C19orf38: variants seen among roughly 807,000 people sequenced by gnomAD.
The protein encoded by C19orf38 is chromosome 19 open reading frame 38, also known as protein HIDE1.
In C19orf38, 14 loss-of-function variants were observed where a neutral mutation model predicts 26.6. The ratio of observed to expected loss-of-function variants is 0.53; its 90% CI spans 0.35 to 0.82. C19orf38 has a LOEUF of 0.82. Ranked by LOEUF, C19orf38 falls within the 40% of genes least tolerant of loss-of-function variation. The pLI is 0.01. For synonymous variants in C19orf38, 132 were observed against 128.5 expected (o/e 1.03, Z -0.18); for missense variants, 261 against 299.5 (o/e 0.87, Z 0.95).
chr19:10,863,354 G>C, intron 6 of C19orf38, 147 bp downstream of exon 6: 1 of 930,722 alleles, frequency 1.1e-6, no homozygotes, highest in Non-Finnish European at 1.6e-6. Flanking sequence ...CACTGAACAG[G>C]GACTCAGTAG....
intron 3 of C19orf38, among the ~76,000 whole-genome samples, chr19:10,857,735 G>T (rs2073644056): frequency 6.6e-6 from 1 of 151,520 alleles, no homozygotes; most frequent in Non-Finnish European, 1.5e-5. Flanking sequence ...ACAAAAATTA[G>T]CCGGGCGTGG....
chr19:10,863,290 G>T, intron 6 of C19orf38, 83 bp downstream of exon 6: 2 of 1,446,586 alleles, frequency 1.4e-6, no homozygotes, highest in Non-Finnish European at 9.5e-7. Flanking sequence ...GCACCACGAG[G>T]CTAAGTTGAC....
At chr19:10,858,936 GTT>G (rs33931525) in intron 4 of C19orf38, among the ~76,000 whole-genome samples, 29,705 of 135,594 alleles carry the variant, frequency 0.22, 3,184 homozygotes, top group Middle Eastern at 0.3. Flanking sequence ...ATATATATAT[GTT>G]TTTTTTTTTT....
At chr19:10,842,717 A>G (rs867039954) in intron 1 of C19orf38, among the ~76,000 whole-genome samples, 5 of 152,108 alleles carry the variant, frequency 3.3e-5, no homozygotes, top group Admixed American at 6.6e-5. Flanking sequence ...AACCTGTGCA[A>G]CAGAGAGAGA....
upstream of C19orf38, among the ~76,000 whole-genome samples, chr19:10,848,053 T>A (rs1489186487): frequency 1.3e-5 from 2 of 152,074 alleles, no homozygotes; most frequent in Non-Finnish European, 2.9e-5. Flanking sequence ...TAGCTGTGCA[T>A]GATGGCTCCT....
chr19:10,866,664 T>C (rs2073755381), intron 6 of C19orf38, among the ~76,000 whole-genome samples: 1 of 152,038 alleles, frequency 6.6e-6, no homozygotes, highest in Admixed American at 6.6e-5. Context: ...GTTTTTTTTT[T>C]TGGAGACGGA....
chr19:10,860,855 A>G (rs1401237624), intron 5 of C19orf38, among the ~76,000 whole-genome samples: 3 of 142,312 alleles, frequency 2.1e-5, no homozygotes, highest in African/African-American at 7.9e-5. Context: ...AAAAAAAAAA[A>G]AAGAAAGGGC....
chr19:10,855,008 C>T (rs1404925953), intron 2 of C19orf38, among the ~76,000 whole-genome samples: 1 of 151,210 alleles, frequency 6.6e-6, no homozygotes, highest in African/African-American at 2.4e-5. Flanking sequence ...AAGATTGTGC[C>T]CTGAAGCTTC....
rs1235612081 is a variant in C19orf38 at position 10,859,941 on chromosome 19, T to C, written c.488T>C (p.Ile163Thr). 1.3e-6 allele frequency: 2 copies of C among 1,551,854 alleles called. No homozygotes were observed. The highest frequency in any genetic ancestry group is 2.7e-5 in the African/African-American group (2 of 73,040). ...GATCGAGAATCCTGCTGGGCCCAGA[T>C]TAACTTCGACAGCACAGGTCTGTGC... ...KRDRESCWAQ[I>T]NFDSTDMSFD... Residue 163 changes from isoleucine to threonine, a missense_variant, in exon 5 of 7, where the codon ATT becomes ACT. Physicochemically the swap from Ile to Thr is moderately conservative, Grantham distance 89 (BLOSUM62 -1). Coordinates refer to ENST00000397820, the MANE Select transcript of C19orf38 (RefSeq NM_001136482.3).
chr19:10,850,693 G>A (rs899874675), intron 2 of C19orf38, 126 bp downstream of exon 2: 14 of 1,044,058 alleles, frequency 1.3e-5, no homozygotes, highest in African/African-American at 8.0e-5. Context: ...GGACTTACTC[G>A]CCTTTCCTTT....
intron 1 of C19orf38, chr19:10,841,992 G>A: frequency 6.2e-7 from 1 of 1,610,732 alleles, no homozygotes; most frequent in Non-Finnish European, 8.5e-7. Flanking sequence ...ATCTGGAGAA[G>A]GAAGCCAACA....
intron 6 of C19orf38, among the ~76,000 whole-genome samples, chr19:10,865,402 C>T (rs1447422822): frequency 6.6e-6 from 1 of 152,174 alleles, no homozygotes; most frequent in Admixed American, 6.5e-5. Context: ...CCGCCTTGGC[C>T]TCCCAAAGTG....
At chr19:10,863,454 G>T (rs1219004285) in intron 6 of C19orf38, among the ~76,000 whole-genome samples, 11 of 152,138 alleles carry the variant, frequency 7.2e-5, no homozygotes, top group Admixed American at 7.2e-4. Context: ...AGGCAGGCAG[G>T]CCCCTTGGTG....
At chr19:10,860,034 C>T (rs2073680383) in intron 5 of C19orf38, 76 bp downstream of exon 5, 1 of 1,406,416 alleles carries the variant, frequency 7.1e-7, no homozygotes, top group Admixed American at 2.0e-5. Flanking sequence ...CATCACACAC[C>T]AATCAAATTT....
intron 4 of C19orf38, among the ~76,000 whole-genome samples, chr19:10,859,229 G>C (rs1453592293): frequency 6.8e-6 from 1 of 147,946 alleles, no homozygotes; most frequent in Non-Finnish European, 1.5e-5. Context: ...CAGCCACCGT[G>C]CCTGGCTTTT....
chr19:10,858,309 G>C lies in C19orf38; in HGVS notation c.434-7G>C, dbSNP rs950374081. On this transcript the variant is annotated splice_region_variant and splice_polypyrimidine_tract_variant and intron_variant, in intron 3 of 6. Transcript: ENST00000397820. ...TCTAACACATGCTCATTTCTTTTTT[G>C]TTCCAGTTAAACTCAGAAATTTACA... 1.5e-6 allele frequency: 2 copies of C among 1,341,056 alleles called. No homozygotes were observed. The highest frequency in any genetic ancestry group is 2.0e-6 in the Non-Finnish European group (2 of 1,021,304). The allele number at this position is 1,341,056 out of a possible 1,614,324, so 83.1% of individuals were successfully genotyped here.
At chr19:10,853,977 G>A (rs555711487) in intron 2 of C19orf38, among the ~76,000 whole-genome samples, 26 of 151,202 alleles carry the variant, frequency 1.7e-4, no homozygotes, top group African/African-American at 5.3e-4. Context: ...CACTTAAGCC[G>A]GGGAGGTAGA....
chr19:10,844,993 C>CAAA (rs57500129), upstream of C19orf38, among the ~76,000 whole-genome samples: 4 of 95,806 alleles, frequency 4.2e-5, no homozygotes, highest in Non-Finnish European at 6.5e-5. Context: ...CCTTTCTCTA[C>CAAA]AAAAAAAAAA....
intron 6 of C19orf38, among the ~76,000 whole-genome samples, chr19:10,864,578 C>T (rs1189157765): frequency 6.6e-6 from 1 of 152,116 alleles, no homozygotes; most frequent in Non-Finnish European, 1.5e-5. Context: ...TTCAGGTGCA[C>T]ACAGGCGCCC....
Sources: gnomAD v4.1 joint callset for allele counts (sites outside exome capture counted in the v4.1 genomes callset) on GRCh38, gnomAD v4.1.1 for gene constraint, MANE v1.5 for transcripts, NCBI Gene and HGNC (gene_info 2026-07-23, HGNC 2026-07-21) for gene names.